Variants in ANKS1B observed in about 807,000 individuals in gnomAD.
ANKS1B encodes the protein ankyrin repeat and sterile alpha motif domain-containing protein 1B.
A neutral mutation model predicts 148.3 loss-of-function variants in ANKS1B; 36 were observed. That is an observed-to-expected ratio of 0.24 (90% CI 0.19 to 0.32). The LOEUF is 0.32. Among genes scored for constraint, ANKS1B ranks in the 10% least tolerant of loss-of-function variants. The pLI, the probability that ANKS1B is intolerant of heterozygous loss-of-function variation, is 1.00. For synonymous variants in ANKS1B, 542 were observed against 560.8 expected (o/e 0.97, Z 0.47); for missense variants, 1,157 against 1,542.6 (o/e 0.75, Z 4.19).
intron 17 of ANKS1B, among the ~76,000 whole-genome samples, chr12:99,033,846 C>T (rs936244055): frequency 3.9e-5 from 6 of 152,140 alleles, no homozygotes; most frequent in Non-Finnish European, 7.4e-5. Context: ...ATCCCCCTTC[C>T]GCAGAGTAGA....
chr12:98,913,784 C>T (rs150375869), intron 17 of ANKS1B, among the ~76,000 whole-genome samples: 1 of 152,244 alleles, frequency 6.6e-6, no homozygotes, highest in East Asian at 1.9e-4. Context: ...CGTGCCACTA[C>T]CACACCCATC....
intron 1 of ANKS1B, among the ~76,000 whole-genome samples, chr12:99,825,758 C>T (rs2083096766): frequency 6.6e-6 from 1 of 152,130 alleles, no homozygotes; most frequent in Non-Finnish European, 1.5e-5. Flanking sequence ...TGAGACCTGC[C>T]TCATGCCTGT....
At chr12:99,485,445 T>C (rs1437170448) in intron 10 of ANKS1B, among the ~76,000 whole-genome samples, 1 of 152,148 alleles carries the variant, frequency 6.6e-6, no homozygotes, top group East Asian at 1.9e-4. Flanking sequence ...TTGCTTCATG[T>C]TTACTTTAGA....
chr12:99,743,431 T>C (rs1019467154), intron 8 of ANKS1B, among the ~76,000 whole-genome samples: 1 of 152,220 alleles, frequency 6.6e-6, no homozygotes, highest in African/African-American at 2.4e-5. Context: ...CTTCTAAAAC[T>C]AAGTCTATTT....
intron 10 of ANKS1B, among the ~76,000 whole-genome samples, chr12:99,478,648 G>C (rs1284272742): frequency 6.6e-6 from 1 of 152,054 alleles, no homozygotes; most frequent in East Asian, 1.9e-4. Context: ...GAAATGTACA[G>C]AACTAGCCAG....
chr12:98,834,220 T>A (rs879707074), intron 17 of ANKS1B, among the ~76,000 whole-genome samples: 1 of 152,218 alleles, frequency 6.6e-6, no homozygotes, highest in Non-Finnish European at 1.5e-5. Flanking sequence ...AGCTCCTCTT[T>A]TCCATAAATC....
At chr12:99,235,803 C>T (rs2087794183) in intron 14 of ANKS1B, among the ~76,000 whole-genome samples, 1 of 152,128 alleles carries the variant, frequency 6.6e-6, no homozygotes, top group African/African-American at 2.4e-5. Context: ...TAACATGGGG[C>T]CCAGCCGAGT....
chr12:98,946,264 T>C (rs2153047715), intron 17 of ANKS1B, among the ~76,000 whole-genome samples: 1 of 152,332 alleles, frequency 6.6e-6, no homozygotes, highest in African/African-American at 2.4e-5. Context: ...ATAGATCTGA[T>C]GAAGTAACTG....
intron 8 of ANKS1B, among the ~76,000 whole-genome samples, chr12:99,753,512 T>G (rs1056664975): frequency 6.6e-6 from 1 of 152,146 alleles, no homozygotes; most frequent in Non-Finnish European, 1.5e-5. Flanking sequence ...TCTGTATACT[T>G]CAATGTGTTT....
At chr12:99,196,208 T>C (rs2081363864) in intron 14 of ANKS1B, among the ~76,000 whole-genome samples, 1 of 152,188 alleles carries the variant, frequency 6.6e-6, no homozygotes, top group East Asian at 1.9e-4. Flanking sequence ...GGCATAACAA[T>C]AAAAATATTA....
At chr12:99,979,186 G>A (rs564043320) in intron 1 of ANKS1B, among the ~76,000 whole-genome samples, 1 of 151,976 alleles carries the variant, frequency 6.6e-6, no homozygotes, top group Non-Finnish European at 1.5e-5. Flanking sequence ...TTAGTGCTCT[G>A]ATGAGCTCAG....
intron 22 of ANKS1B, 128 bp from the exon 23 acceptor site, chr12:98,782,265 C>T (rs1432717850): frequency 2.5e-6 from 2 of 788,086 alleles, no homozygotes; most frequent in Non-Finnish European, 4.2e-6. Flanking sequence ...AAAGATGCCA[C>T]AAAAGAACAG....
At chr12:99,239,182 C>A (rs1224460788) in intron 14 of ANKS1B, among the ~76,000 whole-genome samples, 2 of 152,070 alleles carry the variant, frequency 1.3e-5, no homozygotes, top group African/African-American at 2.4e-5. Context: ...AAAGGTTAGA[C>A]AAATGGCTAA....
intron 8 of ANKS1B, among the ~76,000 whole-genome samples, chr12:99,737,366 G>T (rs2059705748): frequency 6.6e-6 from 1 of 152,080 alleles, no homozygotes; most frequent in South Asian, 2.1e-4. Context: ...TAAACAATGA[G>T]ATCCTGTCAT....
At chr12:99,015,658 C>T (rs1253173547) in intron 17 of ANKS1B, among the ~76,000 whole-genome samples, 5 of 151,986 alleles carry the variant, frequency 3.3e-5, no homozygotes, top group African/African-American at 9.7e-5. Flanking sequence ...GGAGGTCAGG[C>T]GATCTAGACC....
chr12:99,785,689 T>A (rs1259823412), intron 4 of ANKS1B, among the ~76,000 whole-genome samples: 1 of 152,128 alleles, frequency 6.6e-6, no homozygotes. Context: ...CACGTCAGCC[T>A]CCCAAAGTGC....
chr12:99,885,818 T>C (rs1327166141), intron 1 of ANKS1B, among the ~76,000 whole-genome samples: 1 of 152,168 alleles, frequency 6.6e-6, no homozygotes, highest in African/African-American at 2.4e-5. Flanking sequence ...TGCACGCCCA[T>C]AGCTTAGCTC....
At chr12:99,117,972 A>T (rs2061802976) in intron 15 of ANKS1B, among the ~76,000 whole-genome samples, 1 of 152,204 alleles carries the variant, frequency 6.6e-6, no homozygotes, top group African/African-American at 2.4e-5. Context: ...TAGATTTTCT[A>T]GTTTATATGC....
intron 17 of ANKS1B, chr12:98,976,495 G>C (rs2099896313): frequency 6.6e-6 from 1 of 152,146 alleles, no homozygotes; most frequent in African/African-American, 2.4e-5. Flanking sequence ...GTCAAAGGAG[G>C]AGAACGTACA....
Sources: gnomAD v4.1 joint callset for allele counts (sites outside exome capture counted in the v4.1 genomes callset) on GRCh38, gnomAD v4.1.1 for gene constraint, MANE v1.5 for transcripts, NCBI Gene and HGNC (gene_info 2026-07-23, HGNC 2026-07-21) for gene names.